MACROD2: variants seen among roughly 807,000 people sequenced by gnomAD.
MACROD2 encodes the protein mono-ADP ribosylhydrolase 2.
A neutral mutation model predicts 70.4 loss-of-function variants in MACROD2; 36 were observed. The ratio of observed to expected loss-of-function variants is 0.51; its 90% CI spans 0.39 to 0.68. The LOEUF (loss-of-function observed/expected upper bound fraction) is 0.68. Among genes scored for constraint, MACROD2 ranks in the 30% least tolerant of loss-of-function variants. MACROD2 has a pLI of 0.00. For missense variants in MACROD2, 496 were observed against 538.4 expected (o/e 0.92, Z 0.78); for synonymous variants, 172 against 178.8 (o/e 0.96, Z 0.30).
At chr20:14,652,706 A>T (rs575711275) in intron 4 of MACROD2, among the ~76,000 whole-genome samples, 1 of 152,310 alleles carries the variant, frequency 6.6e-6, no homozygotes, top group Admixed American at 6.5e-5. Context: ...CAAAATGACT[A>T]TGAGATTATC....
intron 5 of MACROD2, among the ~76,000 whole-genome samples, chr20:14,720,784 C>T (rs919556952): frequency 1.3e-5 from 2 of 151,630 alleles, no homozygotes; most frequent in African/African-American, 4.8e-5. Context: ...AATCTCATGA[C>T]CTCGTGATCT....
chr20:14,261,436 C>T (rs1379871490), intron 3 of MACROD2, among the ~76,000 whole-genome samples: 4 of 152,080 alleles, frequency 2.6e-5, no homozygotes, highest in Admixed American at 2.6e-4. Flanking sequence ...TGAAAATATA[C>T]TTTATATCAT....
chr20:15,843,305 G>A (rs2064194796), intron 8 of MACROD2, among the ~76,000 whole-genome samples: 1 of 152,178 alleles, frequency 6.6e-6, no homozygotes, highest in South Asian at 2.1e-4. Context: ...ACTCTACTTT[G>A]TTATTTAGGT....
At chr20:14,734,538 CAA>C (rs1267159842) in intron 5 of MACROD2, among the ~76,000 whole-genome samples, 2 of 87,530 alleles carry the variant, frequency 2.3e-5, no homozygotes, top group African/African-American at 6.7e-5. Flanking sequence ...AAAACAAAAA[CAA>C]AAAAGCAAAA....
intron 3 of MACROD2, among the ~76,000 whole-genome samples, chr20:14,466,008 T>C (rs963985525): frequency 6.6e-6 from 1 of 152,034 alleles, no homozygotes; most frequent in East Asian, 1.9e-4. Flanking sequence ...GACAATTATG[T>C]GTCTTGGAGT....
intron 5 of MACROD2, among the ~76,000 whole-genome samples, chr20:15,149,589 C>G (rs1391835765): frequency 1.3e-5 from 2 of 151,918 alleles, no homozygotes; most frequent in African/African-American, 4.8e-5. Flanking sequence ...GTATATGCGT[C>G]AGGTGTGAGG....
At chr20:14,905,533 C>T (rs2122568631) in intron 5 of MACROD2, 1 of 152,154 alleles carries the variant, frequency 6.6e-6, no homozygotes, top group South Asian at 2.1e-4. Flanking sequence ...TTTTACTTGG[C>T]CTTTTTCTCC....
chr20:14,553,745 G>C (rs1178449809), intron 4 of MACROD2, among the ~76,000 whole-genome samples: 2 of 152,116 alleles, frequency 1.3e-5, no homozygotes, highest in African/African-American at 4.8e-5. Flanking sequence ...CAAAACTACA[G>C]AAGTGGAATT....
chr20:15,930,784 G>A (rs1441709102), intron 10 of MACROD2, among the ~76,000 whole-genome samples: 2 of 152,134 alleles, frequency 1.3e-5, no homozygotes, highest in African/African-American at 4.8e-5. Context: ...CAGTAGACTA[G>A]GTAAACTGCC....
rs193219128 is a variant in MACROD2 at position 14,106,600 on chromosome 20, T to G, written c.271+20872T>G. Among the ~76,000 whole-genome samples, 7 of 152,198 alleles carry G rather than the reference T, an allele frequency of 4.6e-5. No individual in the cohort carries two copies. In the East Asian group the frequency reaches 1.4e-3, roughly 29 times the overall value. On this transcript the variant is annotated intron_variant, in intron 3 of 17. Coordinates refer to ENST00000684519, the MANE Select transcript of MACROD2 (RefSeq NM_001351661.2). ...ATGAACATAGGTGGTAGCCAGGTAG[T>G]GGTTACAGTGGGCCTTGGGCAGGAC... is the stretch of plus-strand genomic sequence containing the variant.
chr20:15,200,679 T>C (rs962893548), intron 5 of MACROD2, among the ~76,000 whole-genome samples: 1 of 152,216 alleles, frequency 6.6e-6, no homozygotes, highest in Non-Finnish European at 1.5e-5. Context: ...CGATTTGTAG[T>C]TCAGAGACTA....
chr20:14,049,075 A>G (rs2053519833), intron 2 of MACROD2, among the ~76,000 whole-genome samples: 1 of 151,714 alleles, frequency 6.6e-6, no homozygotes, highest in South Asian at 2.1e-4. Context: ...ACAGGCTGAA[A>G]TACGTGTTGA....
At chr20:14,912,016 T>G (rs893054777) in intron 5 of MACROD2, among the ~76,000 whole-genome samples, 1 of 152,146 alleles carries the variant, frequency 6.6e-6, no homozygotes, top group African/African-American at 2.4e-5. Flanking sequence ...AGATAGTGAT[T>G]AGCCCAATTT....
chr20:14,268,721 C>T (rs1465998677), intron 3 of MACROD2, among the ~76,000 whole-genome samples: 1 of 152,102 alleles, frequency 6.6e-6, no homozygotes, highest in African/African-American at 2.4e-5. Flanking sequence ...TTTCAGCCAT[C>T]AAAATATTAA....
chr20:14,540,676 G>A (rs900420238), intron 4 of MACROD2, among the ~76,000 whole-genome samples: 2 of 152,150 alleles, frequency 1.3e-5, no homozygotes, highest in African/African-American at 4.8e-5. Flanking sequence ...TGCTGGGTCA[G>A]GTGAAGATGT....
intron 5 of MACROD2, among the ~76,000 whole-genome samples, chr20:15,166,159 T>C (rs2076382354): frequency 6.6e-6 from 1 of 152,196 alleles, no homozygotes; most frequent in Non-Finnish European, 1.5e-5. Flanking sequence ...AAAACCAGAT[T>C]GGTTGGACAA....
chr20:14,573,809 T>C (rs183370899), intron 4 of MACROD2, among the ~76,000 whole-genome samples: 1 of 152,288 alleles, frequency 6.6e-6, no homozygotes, highest in East Asian at 1.9e-4. Flanking sequence ...TAGCTGCTGG[T>C]TAAACCCATC....
At chr20:14,750,872 G>T (rs532408006) in intron 5 of MACROD2, among the ~76,000 whole-genome samples, 1 of 151,980 alleles carries the variant, frequency 6.6e-6, no homozygotes, top group Admixed American at 6.6e-5. Context: ...TAACTAATCT[G>T]GTTGGTGATA....
At chr20:14,424,285 T>A (rs918553392) in intron 3 of MACROD2, among the ~76,000 whole-genome samples, 5 of 152,224 alleles carry the variant, frequency 3.3e-5, no homozygotes, top group Middle Eastern at 3.4e-3. Context: ...CCCCCTTTTT[T>A]AAATATTTTT....
Sources: gnomAD v4.1 joint callset for allele counts (sites outside exome capture counted in the v4.1 genomes callset) on GRCh38, gnomAD v4.1.1 for gene constraint, MANE v1.5 for transcripts, NCBI Gene and HGNC (gene_info 2026-07-23, HGNC 2026-07-21) for gene names.